NAA11: variants seen among roughly 807,000 people sequenced by gnomAD.
The protein encoded by NAA11 is N-alpha-acetyltransferase 11, NatA catalytic subunit, also known as N-alpha-acetyltransferase 11.
NAA11 carries 15 observed loss-of-function variants against 16.1 expected under a neutral mutation model. That is an observed-to-expected ratio of 0.93 (90% CI 0.62 to 1.44). The LOEUF is 1.44. NAA11 is among the 40% of genes most tolerant of loss of function. The probability of loss-of-function intolerance (pLI) is 0.00; values close to 1 mark genes in which losing one functional copy is unlikely to be tolerated. For missense variants in NAA11, 298 were observed against 291.3 expected (o/e 1.02, Z -0.17); for synonymous variants, 122 against 112.4 (o/e 1.09, Z -0.54).
rs1724272312 is a variant in NAA11 at position 79,326,025 on chromosome 4, C to T, written c.-148G>A. 4.5e-6 allele frequency: 3 copies of T among 662,056 alleles called. No homozygotes were observed. Among genetic ancestry groups the T allele is most frequent in the East Asian group, 2.7e-5 (1 of 36,442 alleles). 41.0% of individuals were successfully genotyped at this position (662,056 alleles called of 1,614,324 possible). On this transcript the variant is annotated 5_prime_UTR_variant, in exon 1 of 2. Coordinates refer to ENST00000286794, the MANE Select transcript of NAA11 (RefSeq NM_032693.3). ...GTGTGGAGGGCGGATGGCGGGAAGGCGGAAGGAGCAGGAGATGGAAAAGAT... is the reference window on the plus strand; with the variant it reads ...GTGTGGAGGGCGGATGGCGGGAAGGTGGAAGGAGCAGGAGATGGAAAAGAT...
intron 2 of NAA11, among the ~76,000 whole-genome samples, chr4:79,284,318 G>A (rs1029578131): frequency 1.3e-5 from 2 of 152,024 alleles, no homozygotes; most frequent in Non-Finnish European, 2.9e-5. Context: ...GTAATGGAAG[G>A]CAATATGAAT....
intron 2 of NAA11, among the ~76,000 whole-genome samples, chr4:79,272,617 T>C (rs751596246): frequency 2.6e-5 from 4 of 152,062 alleles, no homozygotes; most frequent in Non-Finnish European, 5.9e-5. Flanking sequence ...ATTTAGGGTA[T>C]GAATTATGAT....
downstream of NAA11, among the ~76,000 whole-genome samples, chr4:79,223,518 A>T: frequency 8.4e-6 from 1 of 119,558 alleles, no homozygotes. Context: ...GGGGGGAGGG[A>T]TAGCACCAGG....
At chr4:79,291,702 A>G (rs1723090266) in intron 2 of NAA11, among the ~76,000 whole-genome samples, 1 of 152,122 alleles carries the variant, frequency 6.6e-6, no homozygotes, top group South Asian at 2.1e-4. Flanking sequence ...CCTGGGCAGC[A>G]AAAGTGAAAC....
At chr4:79,229,987 G>T (rs1265909624) in intron 2 of NAA11, among the ~76,000 whole-genome samples, 1 of 151,884 alleles carries the variant, frequency 6.6e-6, no homozygotes, top group African/African-American at 2.4e-5. Context: ...TTTTTAAAAA[G>T]ATTTTATTCT....
At chr4:79,177,952 T>C in the NAA11 span, among the ~76,000 whole-genome samples, 7 of 152,186 alleles carry the variant, frequency 4.6e-5, no homozygotes, top group African/African-American at 1.7e-4. Flanking sequence ...TTTGGAGATA[T>C]TTCTCATCTA....
At chr4:79,228,166 TTTTG>T (rs888659173) in intron 2 of NAA11, among the ~76,000 whole-genome samples, 6 of 151,974 alleles carry the variant, frequency 3.9e-5, no homozygotes, top group Non-Finnish European at 7.4e-5. Context: ...CATAAGGTCA[TTTTG>T]TTTGTTTGTT....
intron 2 of NAA11, among the ~76,000 whole-genome samples, chr4:79,283,642 G>A (rs1722844526): frequency 6.6e-6 from 1 of 152,084 alleles, no homozygotes; most frequent in South Asian, 2.1e-4. Context: ...CTAAGGGTAT[G>A]TGCTAACTTC....
At chr4:79,256,652 A>AATATATATATATATATATT (rs1491290215) in intron 2 of NAA11, among the ~76,000 whole-genome samples, 9 of 27,430 alleles carry the variant, frequency 3.3e-4, no homozygotes, top group South Asian at 1.7e-3. Context: ...ATAAATATAA[A>AATATATATATATATATATT]TATATATATA....
chr4:79,253,166 G>A (rs931144200), intron 2 of NAA11, among the ~76,000 whole-genome samples: 3 of 152,194 alleles, frequency 2.0e-5, no homozygotes, highest in African/African-American at 7.2e-5. Flanking sequence ...ATTTGCGTCA[G>A]GATATGTAAC....
chr4:79,167,399 C>A, the NAA11 span, among the ~76,000 whole-genome samples: 1 of 149,682 alleles, frequency 6.7e-6, no homozygotes, highest in Non-Finnish European at 1.5e-5. Context: ...CTCTTAACAT[C>A]AGTCTAAATC....
chr4:79,219,575 C>T, the NAA11 span, among the ~76,000 whole-genome samples: 1 of 152,034 alleles, frequency 6.6e-6, no homozygotes. Flanking sequence ...GTTATTTGTG[C>T]TATATGATAT....
chr4:79,156,749 T>C, the NAA11 span, among the ~76,000 whole-genome samples: 2 of 152,222 alleles, frequency 1.3e-5, no homozygotes, highest in African/African-American at 2.4e-5. Context: ...TGTTAGATGA[T>C]AAAAGAAGCC....
At chr4:79,238,483 A>G (rs185347078) in intron 2 of NAA11, among the ~76,000 whole-genome samples, 211 of 152,308 alleles carry the variant, frequency 1.4e-3, no homozygotes, top group Middle Eastern at 3.4e-3. Context: ...AACAGGTAGC[A>G]ACACACAAGA....
At chr4:79,168,626 G>C in the NAA11 span, among the ~76,000 whole-genome samples, 73 of 152,202 alleles carry the variant, frequency 4.8e-4, no homozygotes, top group African/African-American at 1.7e-3. Flanking sequence ...GACTAGTGAT[G>C]ATGAGCTCTT....
At chr4:79,322,461 T>C (rs1357218567) in intron 1 of NAA11, among the ~76,000 whole-genome samples, 2 of 151,268 alleles carry the variant, frequency 1.3e-5, no homozygotes, top group East Asian at 3.9e-4. Context: ...AGATATTAAG[T>C]GCTTTTGAAT....
the NAA11 span, among the ~76,000 whole-genome samples, chr4:79,207,988 G>A: frequency 6.6e-6 from 1 of 152,056 alleles, no homozygotes; most frequent in African/African-American, 2.4e-5. Context: ...TAAAGCAATT[G>A]TACAAAGATC....
chr4:79,309,307 C>G (rs1040258165), intron 1 of NAA11, among the ~76,000 whole-genome samples: 2 of 97,352 alleles, frequency 2.1e-5, no homozygotes, highest in African/African-American at 8.3e-5. Flanking sequence ...ATACTTCAGC[C>G]ATTTTTTTCC....
the NAA11 span, among the ~76,000 whole-genome samples, chr4:79,213,385 C>G: frequency 5.9e-5 from 9 of 151,534 alleles, no homozygotes; most frequent in Non-Finnish European, 1.3e-4. Context: ...ATAATCAGAG[C>G]CATGGTTTGA....
Sources: allele counts gnomAD v4.1 joint callset (sites outside exome capture counted in the v4.1 genomes callset), GRCh38; gene constraint gnomAD v4.1.1; transcripts MANE v1.5; gene names NCBI Gene and HGNC (gene_info 2026-07-23, HGNC 2026-07-21).